SPECC1: variants seen among roughly 807,000 people sequenced by gnomAD.
SPECC1 encodes cytospin-B.
A neutral mutation model predicts 104.1 loss-of-function variants in SPECC1; 62 were observed. The observed-to-expected ratio is 0.60, with a 90% CI of 0.49 to 0.74. SPECC1 has a LOEUF of 0.74. Among genes scored for constraint, SPECC1 ranks in the 30% least tolerant of loss-of-function variants. SPECC1 has a pLI of 0.00. For missense variants in SPECC1, 1,306 were observed against 1,310.5 expected, an observed-to-expected ratio of 1.00 and a Z score of 0.05; for synonymous variants, 513 against 501.6, an observed-to-expected ratio of 1.02 and a Z score of -0.30.
At chr17:20,224,247 A>G (rs1006640152) in intron 4 of SPECC1, among the ~76,000 whole-genome samples, 4 of 152,114 alleles carry the variant, frequency 2.6e-5, no homozygotes, top group Non-Finnish European at 4.4e-5. Flanking sequence ...AGCAGGGGTG[A>G]TGCACTTCTG....
chr17:20,140,996 G>C (rs1027256913), intron 3 of SPECC1, among the ~76,000 whole-genome samples: 2 of 152,152 alleles, frequency 1.3e-5, no homozygotes, highest in African/African-American at 4.8e-5. Flanking sequence ...GGTGAACAAC[G>C]ACGGGGCCTG....
chr17:20,219,710 G>C (rs1363321411), intron 4 of SPECC1, among the ~76,000 whole-genome samples: 1 of 151,976 alleles, frequency 6.6e-6, no homozygotes, highest in Non-Finnish European at 1.5e-5. Flanking sequence ...TTTTTGTTTT[G>C]GTATTCTGTG....
rs1353014608 is a variant in SPECC1, at chr17:20,205,386, T to G, written c.1337T>G (p.Leu446Arg). Residue 446 changes from leucine (L) to arginine (R), a missense_variant, in exon 4 of 15, where the codon CTT becomes CGT. Coordinates refer to ENST00000395527, the MANE Select transcript of SPECC1 (RefSeq NM_001243439.2). ...LSQENEKLMN[L>R]LQERVKNEEP... ...CAAGAAAATGAGAAGCTGATGAATC[T>G]TTTACAAGAGCGAGTAAAGAATGAA... 1 of 1,613,592 alleles carries G rather than the reference T, an allele frequency of 6.2e-7. No homozygotes were observed. The highest frequency in any genetic ancestry group is 1.3e-5 in the African/African-American group (1 of 74,826).
At chr17:20,165,174 T>G (rs2033539827) in intron 3 of SPECC1, among the ~76,000 whole-genome samples, 1 of 152,198 alleles carries the variant, frequency 6.6e-6, no homozygotes, top group Non-Finnish European at 1.5e-5. Context: ...GTGCATTAGC[T>G]GTTTATCCTG....
intron 1 of SPECC1, among the ~76,000 whole-genome samples, chr17:20,025,805 G>A (rs2044577701): frequency 6.6e-6 from 1 of 152,168 alleles, no homozygotes; most frequent in African/African-American, 2.4e-5. Context: ...CAAAGTGGCT[G>A]CATCACTTTA....
At chr17:20,273,453 CG>C (rs2040473892) in intron 12 of SPECC1, among the ~76,000 whole-genome samples, 1 of 131,120 alleles carries the variant, frequency 7.6e-6, no homozygotes, top group Non-Finnish European at 1.6e-5. Context: ...GGTGACACAG[CG>C]AGACTCTGTC....
rs547127905 is a variant in SPECC1 at position 20,202,447 on chromosome 17, A to G, written c.284-1886A>G. 5.9e-5 allele frequency among the ~76,000 whole-genome samples: 9 copies of G among 152,320 alleles called. No individual in the cohort carries two copies. In the South Asian group the frequency reaches 1.0e-3, roughly 18 times the overall value. The stretch of plus-strand genomic sequence containing the variant: ...TGCTGGCAGTGCTCCCTAGAAGCCA[A>G]TAAAACCCCTGACAGCATTGAATTG... On this transcript the variant is annotated intron_variant, in intron 3 of 14. Transcript: ENST00000395527.
intron 12 of SPECC1, among the ~76,000 whole-genome samples, chr17:20,279,403 A>G (rs1598131289): frequency 6.9e-6 from 1 of 145,216 alleles, no homozygotes; most frequent in African/African-American, 2.6e-5. Context: ...GCTCACTGCA[A>G]CCTCTGCCCC....
At chr17:20,140,415 A>G (rs2030634756) in intron 3 of SPECC1, among the ~76,000 whole-genome samples, 1 of 152,212 alleles carries the variant, frequency 6.6e-6, no homozygotes, top group South Asian at 2.1e-4. Context: ...TTCCTCTATT[A>G]TAATTGCTTC....
chr17:20,040,493 C>T (rs1290594993), intron 1 of SPECC1, among the ~76,000 whole-genome samples: 1 of 152,084 alleles, frequency 6.6e-6, no homozygotes, highest in Non-Finnish European at 1.5e-5. Flanking sequence ...TTCCTTTTGC[C>T]ATTCCTTTAG....
intron 1 of SPECC1, among the ~76,000 whole-genome samples, chr17:20,033,596 A>G (rs1169653505): frequency 6.6e-6 from 1 of 152,174 alleles, no homozygotes; most frequent in African/African-American, 2.4e-5. Flanking sequence ...GTGAGATCAC[A>G]TGGTGAGAGA....
intron 1 of SPECC1, among the ~76,000 whole-genome samples, chr17:20,028,519 T>A (rs939567396): frequency 6.6e-6 from 1 of 151,830 alleles, no homozygotes; most frequent in Non-Finnish European, 1.5e-5. Flanking sequence ...TTACCATAGA[T>A]GTTTAGGCTT....
At chr17:20,015,025 G>T (rs1277032291) in intron 1 of SPECC1, among the ~76,000 whole-genome samples, 2 of 152,164 alleles carry the variant, frequency 1.3e-5, no homozygotes, top group Non-Finnish European at 2.9e-5. Context: ...AAAGTGCTGG[G>T]ATTACAGGCA....
chr17:20,167,156 TTTATA>T (rs1367392888), intron 3 of SPECC1, among the ~76,000 whole-genome samples: 9 of 147,898 alleles, frequency 6.1e-5, no homozygotes, highest in Non-Finnish European at 1.0e-4. Context: ...TTATATATAA[TTTATA>T]TTATATATAG....
intron 4 of SPECC1, among the ~76,000 whole-genome samples, chr17:20,217,196 T>G (rs1273053376): frequency 2.6e-5 from 4 of 152,162 alleles, no homozygotes; most frequent in African/African-American, 9.7e-5. Flanking sequence ...TAAAAATATC[T>G]GCCTGTTATT....
chr17:20,289,882 C>A (rs1183906940), intron 12 of SPECC1, among the ~76,000 whole-genome samples: 1 of 152,192 alleles, frequency 6.6e-6, no homozygotes, highest in African/African-American at 2.4e-5. Flanking sequence ...TGGCCTCTAC[C>A]TCTGCCAACG....
intron 3 of SPECC1, among the ~76,000 whole-genome samples, chr17:20,113,613 T>C (rs2048603848): frequency 6.6e-6 from 1 of 152,202 alleles, no homozygotes; most frequent in South Asian, 2.1e-4. Flanking sequence ...TATCCAGTTC[T>C]TACTGATTGA....
intron 1 of SPECC1, among the ~76,000 whole-genome samples, chr17:20,057,333 C>T (rs920929300): frequency 1.3e-5 from 2 of 151,942 alleles, no homozygotes; most frequent in East Asian, 3.9e-4. Flanking sequence ...CCCAGCTACT[C>T]GGGAGGCTGA....
intron 3 of SPECC1, among the ~76,000 whole-genome samples, chr17:20,151,618 G>T (rs77328408): frequency 4.9e-4 from 75 of 152,220 alleles, no homozygotes; most frequent in Admixed American, 1.3e-3. Flanking sequence ...CTTCACTTCC[G>T]CGTGTTGCTT....
Sources: allele counts gnomAD v4.1 joint callset (sites outside exome capture counted in the v4.1 genomes callset), GRCh38; gene constraint gnomAD v4.1.1; transcripts MANE v1.5; gene names NCBI Gene and HGNC (gene_info 2026-07-23, HGNC 2026-07-21).